CDH2: variants seen among roughly 807,000 people sequenced by gnomAD.
The protein encoded by CDH2 is cadherin-2.
Under a neutral mutation model 92.0 loss-of-function variants are expected in CDH2, and 17 were observed. That is an observed-to-expected ratio of 0.18 (90% CI 0.13 to 0.28). CDH2 has a LOEUF of 0.28. CDH2 is among the 10% of genes least tolerant of loss of function. CDH2 has a pLI of 1.00. For synonymous variants in CDH2, 419 were observed against 415.9 expected, an observed-to-expected ratio of 1.01 and a Z score of -0.09; for missense variants, 862 against 1,133.1, an observed-to-expected ratio of 0.76 and a Z score of 3.44.
At chr18:28,132,551 C>A (rs2015790266) in intron 2 of CDH2, among the ~76,000 whole-genome samples, 1 of 152,040 alleles carries the variant, frequency 6.6e-6, no homozygotes. Context: ...GCAACAATTC[C>A]CTAAATGTGA....
At chr18:28,048,092 T>G (rs888448297) in intron 2 of CDH2, among the ~76,000 whole-genome samples, 6 of 151,694 alleles carry the variant, frequency 4.0e-5, no homozygotes, top group Non-Finnish European at 8.8e-5. Flanking sequence ...ATAAATACAA[T>G]GTCTCAGGCA....
chr18:28,043,241 T>G (rs2013984336), intron 2 of CDH2, among the ~76,000 whole-genome samples: 1 of 151,720 alleles, frequency 6.6e-6, no homozygotes, highest in Admixed American at 6.6e-5. Flanking sequence ...AAGCGGGAGC[T>G]AAGCTATGAG....
intron 14 of CDH2, among the ~76,000 whole-genome samples, chr18:27,968,373 G>A (rs560481452): frequency 9.4e-4 from 143 of 152,252 alleles, no homozygotes; most frequent in African/African-American, 3.2e-3. Context: ...AGAAATGCAC[G>A]AAAGAGTTTA....
At chr18:28,077,890 C>CAAA (rs71171659) in intron 2 of CDH2, among the ~76,000 whole-genome samples, 5 of 67,312 alleles carry the variant, frequency 7.4e-5, no homozygotes, top group Admixed American at 4.4e-4. Flanking sequence ...GACCCTGTCT[C>CAAA]AAAAAAAAAA....
chr18:28,033,812 T>C (rs1474684991), intron 2 of CDH2, among the ~76,000 whole-genome samples: 1 of 152,132 alleles, frequency 6.6e-6, no homozygotes, highest in African/African-American at 2.4e-5. Flanking sequence ...GCACTAAATA[T>C]GCACTTTAAT....
chr18:27,973,412 CAGA>C (rs1162153240), intron 14 of CDH2, among the ~76,000 whole-genome samples: 1 of 152,150 alleles, frequency 6.6e-6, no homozygotes, highest in East Asian at 1.9e-4. Flanking sequence ...TTTAGTATCA[CAGA>C]AAGTACTAGA....
At chr18:28,175,814 G>A (rs2016531149) in intron 1 of CDH2, among the ~76,000 whole-genome samples, 1 of 152,342 alleles carries the variant, frequency 6.6e-6, no homozygotes, top group South Asian at 2.1e-4. Flanking sequence ...ACCCTCCGTG[G>A]ATTTTCCTGC....
In CDH2 at chr18:28,147,602, G is replaced by C. The variant is rs1598507931; in HGVS notation, c.172+71C>G. 2.2e-6 allele frequency: 2 copies of C among 922,042 alleles called. 1 individual carries two copies. The highest frequency in any genetic ancestry group is 4.4e-5 in the Admixed American group (2 of 45,946). 57.1% of individuals were successfully genotyped at this position (922,042 alleles called of 1,614,324 possible). On this transcript the variant is annotated intron_variant, in intron 2 of 15. Coordinates refer to ENST00000269141, the MANE Select transcript of CDH2 (RefSeq NM_001792.5). ...TTGTTATACAGTAGAAATGATTTAG[G>C]CTTTTTTAATGGCTAATTTGTTTCA...
intron 1 of CDH2, among the ~76,000 whole-genome samples, chr18:28,156,284 G>C (rs1276076502): frequency 6.6e-6 from 1 of 152,190 alleles, no homozygotes; most frequent in African/African-American, 2.4e-5. Flanking sequence ...TGCTGGCACA[G>C]GAACCTGCAA....
chr18:28,084,313 A>G (rs1024624114), intron 2 of CDH2, among the ~76,000 whole-genome samples: 2 of 152,224 alleles, frequency 1.3e-5, no homozygotes, highest in Non-Finnish European at 1.5e-5. Flanking sequence ...GGATTTCCTT[A>G]TTTCATGTTA....
rs958752112 is a variant in CDH2, at chr18:28,003,143, T to C, written c.874A>G (p.Ile292Val). ...PGTYVMTVTA[I>V]DADDPNALNG... ...AGGGCATTGGGATCGTCAGCATCAA[T>C]TGCTGTTACGGTCATCACATATGTT... Residue 292 changes from isoleucine to valine, a missense_variant, in exon 7 of 16, where the codon ATT becomes GTT. Coordinates refer to ENST00000269141, the MANE Select transcript of CDH2 (RefSeq NM_001792.5). The C allele has an allele frequency of 1.2e-6, 2 of 1,613,890 alleles. No individual in the cohort carries two copies. Among genetic ancestry groups the C allele is most frequent in the African/African-American group, 2.7e-5 (2 of 74,918 alleles).
At chr18:28,122,484 G>C (rs1191590577) in intron 2 of CDH2, among the ~76,000 whole-genome samples, 1 of 152,088 alleles carries the variant, frequency 6.6e-6, no homozygotes, top group Non-Finnish European at 1.5e-5. Flanking sequence ...TATTAGCAAA[G>C]TCAACATAAA....
intron 2 of CDH2, among the ~76,000 whole-genome samples, chr18:28,046,766 A>G (rs1182780347): frequency 7.1e-6 from 1 of 140,490 alleles, no homozygotes. Context: ...ACTTTTATAA[A>G]TAGTCCTTTA....
chr18:28,164,767 A>G (rs945074948), intron 1 of CDH2, among the ~76,000 whole-genome samples: 5 of 152,206 alleles, frequency 3.3e-5, no homozygotes, highest in Admixed American at 2.0e-4. Flanking sequence ...AGGAGGAGAC[A>G]ACAGAAAAGC....
intron 2 of CDH2, among the ~76,000 whole-genome samples, chr18:28,094,907 A>C (rs2015104405): frequency 6.6e-6 from 1 of 152,076 alleles, no homozygotes; most frequent in South Asian, 2.1e-4. Context: ...GGGCCAGGCC[A>C]ATTTAACTCA....
chr18:28,070,046 CCAGA>C (rs757384161), intron 2 of CDH2, among the ~76,000 whole-genome samples: 1 of 152,180 alleles, frequency 6.6e-6, no homozygotes, highest in African/African-American at 2.4e-5. Flanking sequence ...CGGCAACTAA[CCAGA>C]CAGTTAATCC....
At chr18:27,963,217 TCA>T in intron 15 of CDH2, 138 bp downstream of exon 15, 1 of 657,534 alleles carries the variant, frequency 1.5e-6, no homozygotes, top group Non-Finnish European at 2.4e-6. Context: ...ACATTTGCTT[TCA>T]CACAAGATGA....
At chr18:28,007,015 T>C (rs1161584401) in intron 5 of CDH2, among the ~76,000 whole-genome samples, 1 of 150,582 alleles carries the variant, frequency 6.6e-6, no homozygotes, top group Non-Finnish European at 1.5e-5. Context: ...CTACTAAAAA[T>C]ACAAAAAATT....
At chr18:27,972,315 G>A (rs530708053) in intron 14 of CDH2, among the ~76,000 whole-genome samples, 2 of 152,142 alleles carry the variant, frequency 1.3e-5, no homozygotes, top group Non-Finnish European at 2.9e-5. Flanking sequence ...CTGTGGCTAT[G>A]AGCCTAGCCA....
Sources: allele counts gnomAD v4.1 joint callset (sites outside exome capture counted in the v4.1 genomes callset), GRCh38; gene constraint gnomAD v4.1.1; transcripts MANE v1.5; gene names NCBI Gene and HGNC (gene_info 2026-07-23, HGNC 2026-07-21).